The following PCDHA1 variants were observed in gnomAD, a reference collection of about 807,000 sequenced individuals.
PCDHA1 encodes the protein protocadherin alpha-1.
A neutral mutation model predicts 61.3 loss-of-function variants in PCDHA1; 42 were observed. The ratio of observed to expected loss-of-function variants is 0.69; its 90% CI spans 0.54 to 0.89. The LOEUF (loss-of-function observed/expected upper bound fraction) is 0.89. PCDHA1 is among the 40% of genes least tolerant of loss of function. The pLI, the probability that PCDHA1 is intolerant of heterozygous loss-of-function variation, is 0.00. For synonymous variants in PCDHA1, 610 were observed against 553.8 expected (o/e 1.10, Z -1.43); for missense variants, 1,256 against 1,235.3 (o/e 1.02, Z -0.25).
chr5:140,790,309 T>C (rs1333203614), intron 1 of PCDHA1, among the ~76,000 whole-genome samples: 7 of 152,206 alleles, frequency 4.6e-5, no homozygotes, highest in African/African-American at 1.4e-4. Flanking sequence ...AAATTTTATT[T>C]CCTATGTTTG....
chr5:140,989,387 T>A (rs1269344397), intron 3 of PCDHA1, among the ~76,000 whole-genome samples: 2 of 152,122 alleles, frequency 1.3e-5, no homozygotes, highest in Non-Finnish European at 2.9e-5. Context: ...GTGGGAAAGA[T>A]GATATGGAGG....
intron 1 of PCDHA1, among the ~76,000 whole-genome samples, chr5:140,838,712 G>A (rs2150291764): frequency 1.3e-5 from 2 of 152,012 alleles, no homozygotes; most frequent in Non-Finnish European, 2.9e-5. Flanking sequence ...GAGGCAGGAG[G>A]ATTGCTTCAG....
intron 3 of PCDHA1, among the ~76,000 whole-genome samples, chr5:141,004,121 C>T (rs1250923202): frequency 6.6e-6 from 1 of 152,230 alleles, no homozygotes; most frequent in Non-Finnish European, 1.5e-5. Flanking sequence ...AAGGGAGTAT[C>T]TCCATGATTC....
chr5:140,928,043 C>T, intron 1 of PCDHA1: 1 of 1,614,192 alleles, frequency 6.2e-7, no homozygotes, highest in Non-Finnish European at 8.5e-7. Context: ...AGTGCAGGCC[C>T]TTTTCAGCTG....
chr5:140,921,741 A>G (rs1437643098), intron 1 of PCDHA1, among the ~76,000 whole-genome samples: 1 of 152,202 alleles, frequency 6.6e-6, no homozygotes, highest in Non-Finnish European at 1.5e-5. Context: ...AATTATAAGC[A>G]TAACAGGACA....
intron 1 of PCDHA1, among the ~76,000 whole-genome samples, chr5:140,945,439 A>G (rs1291434553): frequency 6.6e-6 from 1 of 152,188 alleles, no homozygotes; most frequent in Non-Finnish European, 1.5e-5. Flanking sequence ...TTACAGAAAT[A>G]TAAAAAACTT....
chr5:140,913,410 C>T (rs375204256), intron 1 of PCDHA1, among the ~76,000 whole-genome samples: 6 of 152,040 alleles, frequency 3.9e-5, no homozygotes, highest in African/African-American at 1.4e-4. Context: ...CCTTTGAATT[C>T]CTGCAGTATC....
chr5:140,836,071 C>T lies in PCDHA1; in HGVS notation c.2394+47387C>T, dbSNP rs2150251957. 10 of 1,613,504 alleles carry T rather than the reference C, an allele frequency of 6.2e-6. No homozygotes were observed. The East Asian group carries it at 1.8e-4, about 29-fold the overall frequency. The stretch of plus-strand genomic sequence containing the variant: ...GTGCTGGACGAGAACGACAACGCGC[C>T]GGCACTGCTGGCGCCTCGGGTGGGT... On this transcript the variant is annotated intron_variant, in intron 1 of 3. Transcript: ENST00000504120.
rs576274101 is a variant in PCDHA1 at position 140,846,411 on chromosome 5, A to C, written c.2394+57727A>C. On this transcript the variant is annotated intron_variant, in intron 1 of 3. Transcript: ENST00000504120. ...TTTTTTTGAGACGGAGTCTCGCTCTATCTCCCAGGCTGGAATGCAGTGGCG... is the reference window on the plus strand; with the variant it reads ...TTTTTTTGAGACGGAGTCTCGCTCTCTCTCCCAGGCTGGAATGCAGTGGCG... Among the ~76,000 whole-genome samples the C allele has an allele frequency of 2.7e-5, 3 of 109,350 alleles. 1 individual carries two copies. The South Asian group carries it at 8.0e-4, about 29-fold the overall frequency. The allele number at this position is 109,350 out of a possible 152,430, so 71.7% of individuals were successfully genotyped here.
At chr5:140,832,006 T>C (rs192666961) in intron 1 of PCDHA1, among the ~76,000 whole-genome samples, 8 of 152,338 alleles carry the variant, frequency 5.3e-5, no homozygotes, top group Non-Finnish European at 1.0e-4. Context: ...ATTGTTTTCA[T>C]TTTACGTAAA....
At chr5:140,968,598 A>G in intron 1 of PCDHA1, 2 of 1,614,102 alleles carry the variant, frequency 1.2e-6, no homozygotes, top group Non-Finnish European at 1.7e-6. Flanking sequence ...ATAGCTATGG[A>G]CTCAGACTCT....
Position 140,787,104 on chromosome 5 carries a change from G to A in PCDHA1, c.814G>A (p.Gly272Ser), listed in dbSNP as rs782213463. The A allele has an allele frequency of 6.2e-7, 1 of 1,614,180 alleles. No individual in the cohort carries two copies. Among genetic ancestry groups the A allele is most frequent in the South Asian group, 1.1e-5 (1 of 91,082 alleles). ...TTLNASDADEGVNGEVVFSFD... is the reference protein window; with the variant it reads ...TTLNASDADESVNGEVVFSFD... ...ATTAAATGCCTCTGATGCTGACGAA[G>A]GTGTAAATGGTGAAGTCGTCTTTTC... Residue 272 changes from glycine to serine, a missense_variant, in exon 1 of 4, where the codon GGT becomes AGT. Gly to Ser is a moderately conservative substitution (Grantham distance 56). Coordinates refer to ENST00000504120, the MANE Select transcript of PCDHA1 (RefSeq NM_018900.4).
intron 1 of PCDHA1, chr5:140,930,101 G>A (rs782338185): frequency 9.2e-5 from 14 of 152,094 alleles, no homozygotes; most frequent in Non-Finnish European, 1.6e-4. Context: ...TATACTGATA[G>A]GAGATCATAT....
intron 1 of PCDHA1, chr5:140,841,071 T>TAAATTATGATAA (rs1198848273): frequency 1.2e-5 from 6 of 492,312 alleles, no homozygotes; most frequent in Non-Finnish European, 2.1e-5. Context: ...GATAAAGAAA[T>TAAATTATGATAA]AGAAAGTGCA....
At chr5:140,870,277 G>T (rs367959983) in intron 1 of PCDHA1, 4 of 1,614,168 alleles carry the variant, frequency 2.5e-6, no homozygotes, top group Non-Finnish European at 3.4e-6. Context: ...GACGCCCCAC[G>T]TTCCCTTCAA....
intron 1 of PCDHA1, chr5:140,850,390 G>A: frequency 6.3e-7 from 1 of 1,597,946 alleles, no homozygotes; most frequent in Non-Finnish European, 8.6e-7. Context: ...GGCGAGATCA[G>A]CACAACGCGT....
rs2150530468 is a variant in PCDHA1 at position 140,853,294 on chromosome 5, A to G, written c.2394+64610A>G. On this transcript the variant is annotated intron_variant, in intron 1 of 3. Coordinates refer to ENST00000504120, the MANE Select transcript of PCDHA1 (RefSeq NM_018900.4). The stretch of plus-strand genomic sequence containing the variant: ...CTCTCATCATATGCAAATTCTCAGA[A>G]GGGCTGTGAACACCTTAGTAATAAA... 2 of 982,066 alleles carry G rather than the reference A, an allele frequency of 2.0e-6. 1 individual carries two copies. Among genetic ancestry groups the G allele is most frequent in the Non-Finnish European group, 2.5e-6 (2 of 814,606 alleles). 60.8% of individuals were successfully genotyped at this position (982,066 alleles called of 1,614,324 possible). A position where few individuals can be genotyped will look rare whatever the true frequency, so the allele number is the denominator to read the frequency against.
rs111528394 is a variant in PCDHA1 at position 140,995,338 on chromosome 5, C to T, written c.2542+12775C>T. Among the ~76,000 whole-genome samples the T allele has an allele frequency of 2.7e-4, 41 of 151,956 alleles. 1 individual carries two copies. Among genetic ancestry groups the T allele is most frequent in the Admixed American group, 6.6e-4 (10 of 15,254 alleles). On this transcript the variant is annotated intron_variant, in intron 3 of 3. Coordinates refer to ENST00000504120, the MANE Select transcript of PCDHA1 (RefSeq NM_018900.4). The stretch of plus-strand genomic sequence containing the variant: ...TGAACTAACAGGTGAGTAGTGTAGA[C>T]GGCATGGATAGGTCGGACAGAGGGA...
intron 1 of PCDHA1, among the ~76,000 whole-genome samples, chr5:140,973,282 C>T (rs1554235080): frequency 2.6e-5 from 4 of 152,148 alleles, no homozygotes; most frequent in African/African-American, 7.2e-5. Context: ...TCCCCCAGCA[C>T]TGATTTTTCT....
Sources: allele counts gnomAD v4.1 joint callset (sites outside exome capture counted in the v4.1 genomes callset), GRCh38; gene constraint gnomAD v4.1.1; transcripts MANE v1.5; gene names NCBI Gene and HGNC (gene_info 2026-07-23, HGNC 2026-07-21).